SCN1A: variants seen among roughly 807,000 people sequenced by gnomAD.
SCN1A encodes the protein sodium voltage-gated channel alpha subunit 1.
In SCN1A, 13 loss-of-function variants were observed where a neutral mutation model predicts 193.7. The observed-to-expected ratio is 0.07, with a 90% CI of 0.04 to 0.11. The LOEUF is 0.11. Ranked by LOEUF, SCN1A falls within the 10% of genes least tolerant of loss-of-function variation. The pLI, the probability that SCN1A is intolerant of heterozygous loss-of-function variation, is 1.00. For synonymous variants in SCN1A, 781 were observed against 843.6 expected (o/e 0.93, Z 1.29); for missense variants, 1,432 against 2,451.1 (o/e 0.58, Z 8.78).
chr2:166,013,394 C>G (rs1692808830), intron 21 of SCN1A, among the ~76,000 whole-genome samples: 1 of 151,366 alleles, frequency 6.6e-6, no homozygotes, highest in Non-Finnish European at 1.5e-5. Context: ...CGTCAGAACT[C>G]AGAGAATATA....
At position 165,992,616 on chromosome 2, in the gene SCN1A, CAATTAT is replaced by C. The variant is rs1360491619; in HGVS notation, c.4853-200_4853-195del. The stretch of plus-strand genomic sequence containing the variant: ...TAATTTTGAAATTCAGCAATAATTT[CAATTAT>C]AAGGATTATAGTACTTTTTTTTATC... On this transcript the variant is annotated intron_variant, in intron 28 of 28. Coordinates refer to ENST00000674923, the MANE Select transcript of SCN1A (RefSeq NM_001165963.4). This position sits in a 1 kb window ranked among gnomAD's most constrained non-coding sequence, Gnocchi z 6.5. 6.4e-5 allele frequency: 18 copies of C among 282,180 alleles called. No individual in the cohort carries two copies. In the East Asian group the frequency reaches 1.3e-3, roughly 21 times the overall value. The allele number at this position is 282,180 out of a possible 1,614,324, so 17.5% of individuals were successfully genotyped here. A position where few individuals can be genotyped will look rare whatever the true frequency, so the allele number is the denominator to read the frequency against.
Position 165,991,172 on chromosome 2 carries a change from C to A in SCN1A, c.*73G>T. The stretch of plus-strand genomic sequence containing the variant: ...TTTGGCATTGACCTCCTAAAGGAGT[C>A]CTGTTGATAAAAATACATCACCTTC... On this transcript the variant is annotated 3_prime_UTR_variant, in exon 29 of 29. Coordinates refer to ENST00000674923, the MANE Select transcript of SCN1A (RefSeq NM_001165963.4). 7.3e-7 allele frequency: 1 copy of A among 1,363,142 alleles called. No individual in the cohort carries two copies. The highest frequency in any genetic ancestry group is 1.3e-5 in the South Asian group (1 of 79,162). 84.4% of individuals were successfully genotyped at this position (1,363,142 alleles called of 1,614,324 possible). A position where few individuals can be genotyped will look rare whatever the true frequency, so the allele number is the denominator to read the frequency against.
In SCN1A at chr2:166,012,300, C is replaced by T. The variant is rs752974614; in HGVS notation, c.3706-18G>A. 6.3e-7 allele frequency: 1 copy of T among 1,581,044 alleles called. No individual in the cohort carries two copies. Among genetic ancestry groups the T allele is most frequent in the Non-Finnish European group, 8.7e-7 (1 of 1,153,450 alleles). On this transcript the variant is annotated intron_variant, in intron 21 of 28. Coordinates refer to ENST00000674923, the MANE Select transcript of SCN1A (RefSeq NM_001165963.4). ...TCAAATGCCTATAAAGAAAATGTTACACATTATTAGCTTTCAAAAATAATT... is the reference window on the plus strand; with the variant it reads ...TCAAATGCCTATAAAGAAAATGTTATACATTATTAGCTTTCAAAAATAATT...
chr2:166,021,305 T>C (rs996248363), intron 19 of SCN1A, among the ~76,000 whole-genome samples: 6 of 152,216 alleles, frequency 3.9e-5, no homozygotes, highest in African/African-American at 1.4e-4. Context: ...CTGAGAGAAG[T>C]GTTAGTGCTT....
intron 2 of SCN1A, among the ~76,000 whole-genome samples, chr2:166,094,716 C>A (rs1281623464): frequency 6.6e-6 from 1 of 151,828 alleles, no homozygotes; most frequent in Non-Finnish European, 1.5e-5. Context: ...AACAAAAGAT[C>A]ATTAAATACC....
chr2:166,048,969 C>G lies in SCN1A; in HGVS notation c.965-20G>C. 6.6e-7 allele frequency: 1 copy of G among 1,521,256 alleles called. No homozygotes were observed. Among genetic ancestry groups the G allele is most frequent in the Non-Finnish European group, 9.1e-7 (1 of 1,096,030 alleles). The allele number at this position is 1,521,256 out of a possible 1,614,324, so 94.2% of individuals were successfully genotyped here. A position where few individuals can be genotyped will look rare whatever the true frequency, so the allele number is the denominator to read the frequency against. On this transcript the variant is annotated intron_variant, in intron 9 of 28. Transcript: ENST00000674923. Reference sequence around the variant, plus strand: ...GATATCCTGTTTGAAAAAAGAAAGTCGTATGATGAACATTTGCATTGTTAA... The same window carrying G: ...GATATCCTGTTTGAAAAAAGAAAGTGGTATGATGAACATTTGCATTGTTAA...
In SCN1A at chr2:166,058,766, C is replaced by T. The variant is rs947648880; in HGVS notation, c.265-78G>A. 8 of 843,688 alleles carry T rather than the reference C, an allele frequency of 9.5e-6. No individual in the cohort carries two copies. In the African/African-American group the frequency reaches 1.2e-4, roughly 12 times the overall value. 52.3% of individuals were successfully genotyped at this position (843,688 alleles called of 1,614,324 possible). The stretch of plus-strand genomic sequence containing the variant: ...CTGTTATCTACTTTCTGTTACTTGT[C>T]ATAATAAATTATTGTAAAGTTAAAT... On this transcript the variant is annotated intron_variant, in intron 4 of 28. Coordinates refer to ENST00000674923, the MANE Select transcript of SCN1A (RefSeq NM_001165963.4).
chr2:166,107,952 G>T (rs898792533), intron 2 of SCN1A, among the ~76,000 whole-genome samples: 1 of 151,996 alleles, frequency 6.6e-6, no homozygotes, highest in Non-Finnish European at 1.5e-5. Flanking sequence ...TTGATAAATT[G>T]TACTTCATAA....
rs555915256 is a variant in SCN1A at position 165,992,635 on chromosome 2, A to C, written c.4853-213T>G. On this transcript the variant is annotated intron_variant, in intron 28 of 28. Coordinates refer to ENST00000674923, the MANE Select transcript of SCN1A (RefSeq NM_001165963.4). This position sits in a 1 kb window ranked among gnomAD's most constrained non-coding sequence, Gnocchi z 6.5. ...TAATTTCAATTATAAGGATTATAGT[A>C]CTTTTTTTTATCTTTAAGAGATGTT... The C allele has an allele frequency of 8.6e-6, 2 of 232,570 alleles. No homozygotes were observed. Among genetic ancestry groups the C allele is most frequent in the Non-Finnish European group, 1.5e-5 (2 of 130,548 alleles). 14.4% of individuals were successfully genotyped at this position (232,570 alleles called of 1,614,324 possible).
chr2:166,028,691 A>G (rs561474402), intron 19 of SCN1A, among the ~76,000 whole-genome samples: 10 of 152,342 alleles, frequency 6.6e-5, no homozygotes, highest in Non-Finnish European at 1.3e-4. Flanking sequence ...AACAATTTCC[A>G]TCACAGTATT....
At chr2:166,073,072 T>A (rs1684620669) in intron 4 of SCN1A, among the ~76,000 whole-genome samples, 1 of 152,096 alleles carries the variant, frequency 6.6e-6, no homozygotes, top group Non-Finnish European at 1.5e-5. Flanking sequence ...TCTCTTAACC[T>A]CGTGATCTGC....
chr2:166,006,788 A>G (rs1213447785), intron 23 of SCN1A, among the ~76,000 whole-genome samples: 1 of 151,310 alleles, frequency 6.6e-6, no homozygotes, highest in Non-Finnish European at 1.5e-5. Flanking sequence ...TCAATAATCA[A>G]CTGATGGTAT....
intron 26 of SCN1A, 113 bp from the exon 27 acceptor site, chr2:165,996,230 G>GAC (rs1690034384): frequency 1.5e-6 from 1 of 650,122 alleles, no homozygotes; most frequent in African/African-American, 1.9e-5. Context: ...CAACTGATTA[G>GAC]TATAATTATA....
intron 2 of SCN1A, among the ~76,000 whole-genome samples, chr2:166,125,363 C>T (rs546982612): frequency 6.6e-6 from 1 of 152,302 alleles, no homozygotes; most frequent in African/African-American, 2.4e-5. Flanking sequence ...TTCAGCCTCT[C>T]CAACTGCCCA....
At chr2:166,141,743 T>C (rs944796232) in intron 1 of SCN1A, among the ~76,000 whole-genome samples, 1 of 89,720 alleles carries the variant, frequency 1.1e-5, no homozygotes. Flanking sequence ...TTTTTTTTTT[T>C]CTATTTCAAA....
At position 165,991,613 on chromosome 2, in the gene SCN1A, G is replaced by C; in HGVS notation, c.5662C>G (p.Gln1888Glu). The C allele has an allele frequency of 6.2e-7, 1 of 1,613,826 alleles. No homozygotes were observed. The highest frequency in any genetic ancestry group is 1.1e-5 in the South Asian group (1 of 91,080). ...GAAGCCATGAATCGCTCTTCCATCT[G>C]TATTCGTAGAGCATCCATCTCTCCA... ...ESGEMDALRI[Q>E]MEERFMASNP... Residue 1888 changes from glutamine to glutamate, a missense_variant, in exon 29 of 29, where the codon CAG becomes GAG. Physicochemically the swap from Gln to Glu is conservative, Grantham distance 29 (BLOSUM62 2). Around this residue, in one of 18 missense-constraint regions of SCN1A, gnomAD observed 148 missense variants for 160.3 expected, o/e 0.92. Coordinates refer to ENST00000674923, the MANE Select transcript of SCN1A (RefSeq NM_001165963.4).
chr2:166,094,764 A>G (rs1687193151), intron 2 of SCN1A, among the ~76,000 whole-genome samples: 2 of 152,106 alleles, frequency 1.3e-5, no homozygotes, highest in Admixed American at 1.3e-4. Context: ...GACCTATTAA[A>G]CTTCAACGAT....
At chr2:166,021,917 T>C (rs2105689481) in intron 19 of SCN1A, among the ~76,000 whole-genome samples, 1 of 152,272 alleles carries the variant, frequency 6.6e-6, no homozygotes, top group East Asian at 1.9e-4. Flanking sequence ...TTATGCATGA[T>C]ACATGAAAAA....
intron 15 of SCN1A, 48 bp downstream of exon 15, chr2:166,042,244 A>G (rs968488522): frequency 1.9e-6 from 3 of 1,579,486 alleles, no homozygotes; most frequent in African/African-American, 2.7e-5. Flanking sequence ...ATGAGACAAT[A>G]TAAGTTTGGT....
Sources: gnomAD v4.1 joint callset for allele counts (sites outside exome capture counted in the v4.1 genomes callset) on GRCh38, gnomAD v4.1.1 for gene constraint, gnomAD v4.1.1 regional missense constraint, Gnocchi (gnomAD v3.1) non-coding constraint, MANE v1.5 for transcripts, NCBI Gene and HGNC (gene_info 2026-07-23, HGNC 2026-07-21) for gene names.